Variants in TKFC observed in about 807,000 individuals in gnomAD.
TKFC encodes triokinase/FMN cyclase.
TKFC carries 46 observed loss-of-function variants against 61.0 expected under a neutral mutation model. The observed-to-expected ratio is 0.75, with a 90% confidence interval of 0.60 to 0.96. TKFC has a LOEUF of 0.96. Among genes scored for constraint, TKFC ranks in the 50% least tolerant of loss-of-function variants. TKFC has a pLI of 0.00. For missense variants in TKFC, 715 were observed against 777.5 expected, an observed-to-expected ratio of 0.92 and a Z score of 0.96; for synonymous variants, 314 against 330.1, an observed-to-expected ratio of 0.95 and a Z score of 0.53.
intron 10 of TKFC, 44 bp downstream of exon 10, chr11:61,342,888 G>C: frequency 6.3e-7 from 1 of 1,594,188 alleles, no homozygotes; most frequent in Non-Finnish European, 8.6e-7. Flanking sequence ...CCTTTGGAAA[G>C]GGCTGAGGGA....
At chr11:61,344,325 C>G (rs539532584) in intron 13 of TKFC, 52 bp downstream of exon 13, 18 of 1,567,880 alleles carry the variant, frequency 1.1e-5, no homozygotes, top group Admixed American at 7.5e-5. Context: ...CCTTAGCCCC[C>G]CTTCCACTTG....
Position 61,342,947 on chromosome 11 carries a change from G to A in TKFC, c.865+103G>A, listed in dbSNP as rs1304143657. The A allele has an allele frequency of 9.1e-6, 11 of 1,209,184 alleles. 1 individual carries two copies. Among genetic ancestry groups the A allele is most frequent in the Non-Finnish European group, 1.3e-5 (11 of 846,362 alleles). 74.9% of individuals were successfully genotyped at this position (1,209,184 alleles called of 1,614,324 possible). ...CGGACTGTGCGTCAGATAAGCCTGA[G>A]TTAAATCGTCTCTCTGCCACCTAAT... On this transcript the variant is annotated intron_variant, in intron 10 of 17. Transcript: ENST00000394900.
chr11:61,347,709 C>T lies in TKFC; in HGVS notation c.*1206C>T, dbSNP rs1018230682. 7 of 985,096 alleles carry T rather than the reference C, an allele frequency of 7.1e-6. No homozygotes were observed. Among genetic ancestry groups the T allele is most frequent in the Non-Finnish European group, 8.4e-6 (7 of 829,810 alleles). The allele number at this position is 985,096 out of a possible 1,614,324, so 61.0% of individuals were successfully genotyped here. A position where few individuals can be genotyped will look rare whatever the true frequency, so the allele number is the denominator to read the frequency against. ...GGGAGTGGTTAAAGGCACTGGCTGT[C>T]GACTCATACACATGATCTGAAATCT... On this transcript the variant is annotated 3_prime_UTR_variant, in exon 18 of 18. Coordinates refer to ENST00000394900, the MANE Select transcript of TKFC (RefSeq NM_015533.4).
chr11:61,342,330 A>G, intron 7 of TKFC, 131 bp from the exon 8 acceptor site: 1 of 1,164,966 alleles, frequency 8.6e-7, no homozygotes, highest in Non-Finnish European at 1.3e-6. Context: ...GTTTTTCATT[A>G]TTCTGTCCAT....
rs1565048662 is a variant in TKFC at position 61,339,092 on chromosome 11, G to A, written c.220G>A (p.Gly74Arg). The change falls in exon 4 of 18, where the codon GGG (glycine) becomes AGG (arginine). Residue 74 changes from glycine (G) to arginine (R), a missense_variant. By Grantham distance (125) the Gly-to-Arg change is moderately radical. Coordinates refer to ENST00000394900, the MANE Select transcript of TKFC (RefSeq NM_015533.4). ...AGFIGKGMLT[G>R]VIAGAVFTSP... The stretch of plus-strand genomic sequence containing the variant: ...TTTCATAGGGAAGGGGATGCTGACT[G>A]GGGTCATCGCGGGAGCTGTGTTCAC... 6.2e-7 allele frequency: 1 copy of A among 1,613,564 alleles called. No homozygotes were observed. Among genetic ancestry groups the A allele is most frequent in the Non-Finnish European group, 8.5e-7 (1 of 1,179,914 alleles).
intron 6 of TKFC, 126 bp downstream of exon 6, chr11:61,341,640 T>C: frequency 7.9e-7 from 1 of 1,271,530 alleles, no homozygotes; most frequent in Non-Finnish European, 1.1e-6. Flanking sequence ...CTAGGGAGTG[T>C]ATCCCTGGGG....
At position 61,333,258 on chromosome 11, in the gene TKFC, C is replaced by G. The variant is rs1322005239; in HGVS notation, c.-181C>G. The G allele has an allele frequency of 2.6e-5, 8 of 303,800 alleles. No individual in the cohort carries two copies. The highest frequency in any genetic ancestry group is 4.2e-5 in the Non-Finnish European group (7 of 165,626). The allele number at this position is 303,800 out of a possible 1,614,324, so 18.8% of individuals were successfully genotyped here. A position where few individuals can be genotyped will look rare whatever the true frequency, so the allele number is the denominator to read the frequency against. The stretch of plus-strand genomic sequence containing the variant: ...CGCCCGCAGGACCCGGATGAGAGCG[C>G]ACGCTTCGGGGTCTCCGGGAAGTCG... On this transcript the variant is annotated 5_prime_UTR_variant, in exon 1 of 18. Coordinates refer to ENST00000394900, the MANE Select transcript of TKFC (RefSeq NM_015533.4).
At chr11:61,339,995 TTTTATTTATTTTTTATTTA>T (rs1315617295) in intron 5 of TKFC, among the ~76,000 whole-genome samples, 3 of 151,626 alleles carry the variant, frequency 2.0e-5, no homozygotes, top group Non-Finnish European at 4.4e-5. Flanking sequence ...TTTTATTTTC[TTTTATTTATTTTTTATTTA>T]TTTATTTATT....
downstream of TKFC, chr11:61,353,337 G>C: frequency 1.4e-6 from 1 of 699,086 alleles, no homozygotes; most frequent in South Asian, 1.9e-5. Context: ...TAAATGACAT[G>C]CTTAGCTACC....
At chr11:61,334,753 C>G in intron 2 of TKFC, 22 bp downstream of exon 2, 2 of 1,614,016 alleles carry the variant, frequency 1.2e-6, no homozygotes, top group South Asian at 2.2e-5. Context: ...AGGGCCGGGA[C>G]GGGAATGGCA....
chr11:61,346,503 G>A lies in TKFC; in HGVS notation c.1728G>A (p.Ter576=), dbSNP rs1565059758. ...LRAILEVLQS[*] ...CCATCTTGGAGGTCTTGCAGAGCTA[G>A]GGTGTGTGACTGCCTCCCTTGGCCT... Residue 576 remains the stop codon, a stop_retained_variant, in exon 18 of 18, where the codon TAG becomes TAA. Coordinates refer to ENST00000394900, the MANE Select transcript of TKFC (RefSeq NM_015533.4). This position sits in a 1 kb window ranked among gnomAD's most constrained non-coding sequence, Gnocchi z 4.1. 2 of 1,597,490 alleles carry A rather than the reference G, an allele frequency of 1.3e-6. No homozygotes were observed. Among genetic ancestry groups the A allele is most frequent in the Admixed American group, 1.7e-5 (1 of 59,612 alleles).
intron 1 of TKFC, 52 bp from the exon 2 acceptor site, chr11:61,334,568 C>A: frequency 1.1e-6 from 1 of 880,646 alleles, no homozygotes; most frequent in Non-Finnish European, 1.8e-6. Flanking sequence ...CGTGATTGTG[C>A]CAGTCGACTG....
At chr11:61,351,280 CTTTCT>C, downstream of TKFC, 6 of 718,920 alleles carry the variant, frequency 8.3e-6, no homozygotes, top group Middle Eastern at 4.4e-4. Flanking sequence ...TTTTAACACC[CTTTCT>C]TTTTTTTTTT....
At chr11:61,339,580 C>A in intron 5 of TKFC, 145 bp downstream of exon 5, 3 of 929,648 alleles carry the variant, frequency 3.2e-6, no homozygotes, top group East Asian at 5.4e-5. Flanking sequence ...GAAGGCCCCG[C>A]CATCCCCTCA....
chr11:61,342,432 G>A, intron 7 of TKFC, 29 bp from the exon 8 acceptor site: 8 of 1,613,816 alleles, frequency 5.0e-6, no homozygotes, highest in Non-Finnish European at 5.9e-6. Context: ...GGCCTTGAGT[G>A]GGTCAGCAGT....
At chr11:61,350,927 C>G, downstream of TKFC, 1 of 1,534,306 alleles carries the variant, frequency 6.5e-7, no homozygotes, top group Non-Finnish European at 8.8e-7. Context: ...CCCAGCCTTT[C>G]GTGGGAGATC....
chr11:61,345,143 G>A, intron 13 of TKFC, 117 bp from the exon 14 acceptor site: 3 of 831,088 alleles, frequency 3.6e-6, no homozygotes, highest in Non-Finnish European at 3.7e-6. Context: ...AAGGGATCTT[G>A]GGAAGCCTTC....
Position 61,345,839 on chromosome 11 carries a change from T to C in TKFC, c.1486-18T>C. The C allele has an allele frequency of 6.2e-7, 1 of 1,614,084 alleles. No homozygotes were observed. Among genetic ancestry groups the C allele is most frequent in the South Asian group, 1.1e-5 (1 of 91,068 alleles). ...TTGCAGGGCCCGTGCTCAGCCCCCT[T>C]TCCTTCACCTTGTCCAGCTGGATTC... On this transcript the variant is annotated intron_variant, in intron 16 of 17. Transcript: ENST00000394900.
intron 11 of TKFC, 56 bp downstream of exon 11, chr11:61,343,514 C>A: frequency 1.3e-6 from 2 of 1,523,024 alleles, no homozygotes; most frequent in Non-Finnish European, 9.1e-7. Context: ...CTGGAAGGAG[C>A]CAGGGAGACT....
Sources: allele counts gnomAD v4.1 joint callset (sites outside exome capture counted in the v4.1 genomes callset), GRCh38; gene constraint gnomAD v4.1.1; non-coding constraint Gnocchi (gnomAD v3.1); transcripts MANE v1.5; gene names NCBI Gene and HGNC (gene_info 2026-07-23, HGNC 2026-07-21).